The following CARS1 variants were observed in gnomAD, a reference collection of about 807,000 sequenced individuals.
The protein encoded by CARS1 is cysteinyl-tRNA synthetase 1.
A neutral mutation model predicts 106.2 loss-of-function variants in CARS1; 48 were observed. That is an observed-to-expected ratio of 0.45 (90% CI 0.36 to 0.57). CARS1 has a LOEUF of 0.57. CARS1 is among the 20% of genes least tolerant of loss of function. CARS1 has a pLI of 0.00. For synonymous variants in CARS1, 409 were observed against 403.4 expected, an observed-to-expected ratio of 1.01 and a Z score of -0.17; for missense variants, 968 against 1,057.2, an observed-to-expected ratio of 0.92 and a Z score of 1.17.
chr11:3,057,087 C>T lies in CARS1; in HGVS notation c.25+256G>A, dbSNP rs184105331. 6.7e-3 allele frequency among the ~76,000 whole-genome samples: 1,027 copies of T among 152,232 alleles called. 10 individuals carry two copies. Among genetic ancestry groups the T allele is most frequent in the African/African-American group, 0.024 (980 of 41,534 alleles). ...ACCTCAGGACCCGCCGTCCCTCAGA[C>T]CCCGGGCACTGACACCCCTCAGACC... On this transcript the variant is annotated intron_variant, in intron 1 of 22. Transcript: ENST00000380525.
chr11:3,034,270 G>C lies in CARS1; in HGVS notation c.801+3780C>G, dbSNP rs1029205669. 6.6e-6 allele frequency among the ~76,000 whole-genome samples: 1 copy of C among 152,124 alleles called. No individual in the cohort carries two copies. Among genetic ancestry groups the C allele is most frequent in the Non-Finnish European group, 1.5e-5 (1 of 68,026 alleles). The stretch of plus-strand genomic sequence containing the variant: ...CAGTCTCACTCTGTTTCCCAGGCTG[G>C]AATGCAGTGGCGTGATCTCGGCTCA... On this transcript the variant is annotated intron_variant, in intron 7 of 22. Transcript: ENST00000380525. This position sits in a 1 kb window ranked among gnomAD's most constrained non-coding sequence, Gnocchi z 6.3.
In CARS1 at chr11:3,018,440, C is replaced by G. The variant is rs190331761; in HGVS notation, c.1597G>C (p.Glu533Gln). The G allele has an allele frequency of 7.2e-5, 117 of 1,614,020 alleles. No individual in the cohort carries two copies. In the East Asian group the frequency reaches 2.4e-3, roughly 33 times the overall value. ...AACTTCTCATATTGAAGCGCTGACTCCATGGTGTTGCTGGAGTAGTCCAGG... is the reference window on the plus strand; with the variant it reads ...AACTTCTCATATTGAAGCGCTGACTGCATGGTGTTGCTGGAGTAGTCCAGG... ...DTLDYSSNTM[E>Q]SALQYEKFLN... The change falls in exon 14 of 23, where the codon GAG (glutamate) becomes CAG (glutamine). Residue 533 changes from glutamate to glutamine, a missense_variant. By Grantham distance (29) the Glu-to-Gln change is conservative. Transcript: ENST00000380525.
rs1037116050 is a variant in CARS1, at chr11:3,054,837, C to T, written c.25+2506G>A. ...TGCTGGCTGTGTTATTATGAAGACCCTTGAATTAAACTGTATAAAAATTAA... is the reference window on the plus strand; with the variant it reads ...TGCTGGCTGTGTTATTATGAAGACCTTTGAATTAAACTGTATAAAAATTAA... On this transcript the variant is annotated intron_variant, in intron 1 of 22. Transcript: ENST00000380525. The T allele has an allele frequency of 2.4e-5, 17 of 700,536 alleles. No homozygotes were observed. The Admixed American group carries it at 3.0e-4, about 12-fold the overall frequency. The allele number at this position is 700,536 out of a possible 1,614,324, so 43.4% of individuals were successfully genotyped here.
intron 19 of CARS1, 68 bp from the exon 20 acceptor site, chr11:3,005,501 T>A (rs1044399248): frequency 9.4e-6 from 10 of 1,069,310 alleles, no homozygotes; most frequent in African/African-American, 4.7e-5. Flanking sequence ...GGGCCAGCCC[T>A]GCCCTGCCCT....
Position 3,021,075 on chromosome 11 carries a change from T to A in CARS1, c.1154-743A>T, listed in dbSNP as rs1851528150. ...ATAACCCCTTGGTGAATTCCATGCA[T>A]TGACTCGGTGACACTCAGCCACCTG... On this transcript the variant is annotated intron_variant, in intron 10 of 22. Coordinates refer to ENST00000380525, the MANE Select transcript of CARS1 (RefSeq NM_001014437.3). This position sits in a 1 kb window ranked among gnomAD's most constrained non-coding sequence, Gnocchi z 5.3. Among the ~76,000 whole-genome samples the A allele has an allele frequency of 3.9e-5, 6 of 152,266 alleles. No homozygotes were observed. The South Asian group carries it at 1.2e-3, about 32-fold the overall frequency.
In CARS1 at chr11:3,021,263, G is replaced by A. The variant is rs1316845177; in HGVS notation, c.1154-931C>T. ...TCACGCAGAGAATCACCCTTTGTTC[G>A]ATGAATGGGCAGAGCAGAGGTCTTC... On this transcript the variant is annotated intron_variant, in intron 10 of 22. Coordinates refer to ENST00000380525, the MANE Select transcript of CARS1 (RefSeq NM_001014437.3). This position sits in a 1 kb window ranked among gnomAD's most constrained non-coding sequence, Gnocchi z 5.3. 4.6e-5 allele frequency among the ~76,000 whole-genome samples: 7 copies of A among 152,350 alleles called. No individual in the cohort carries two copies. The South Asian group carries it at 6.2e-4, about 14-fold the overall frequency.
chr11:3,042,444 AG>A lies in CARS1; in HGVS notation c.275-189del, dbSNP rs1359378158. ...GACAACTGCGTCTTTTTTTTTTTTT[AG>A]ACGGAGTCTCGCTCTGTCGCCCAGG... On this transcript the variant is annotated intron_variant, in intron 2 of 22. Coordinates refer to ENST00000380525, the MANE Select transcript of CARS1 (RefSeq NM_001014437.3). 7.4e-6 allele frequency: 4 copies of A among 537,214 alleles called. No individual in the cohort carries two copies. In the East Asian group the frequency reaches 1.3e-4, roughly 17 times the overall value. The allele number at this position is 537,214 out of a possible 1,614,324, so 33.3% of individuals were successfully genotyped here.
At position 3,048,024 on chromosome 11, in the gene CARS1, G is replaced by C; in HGVS notation, c.26-23C>G. ...GAGCTGCAAAGACAGAGGGCACATGGTGTCAGGCAGGCAGGCGGGCAGCCC... is the reference window on the plus strand; with the variant it reads ...GAGCTGCAAAGACAGAGGGCACATGCTGTCAGGCAGGCAGGCGGGCAGCCC... On this transcript the variant is annotated intron_variant, in intron 1 of 22. Transcript: ENST00000380525. This position sits in a 1 kb window ranked among gnomAD's most constrained non-coding sequence, Gnocchi z 5.1. 1 of 1,604,250 alleles carries C rather than the reference G, an allele frequency of 6.2e-7. No individual in the cohort carries two copies. The highest frequency in any genetic ancestry group is 8.5e-7 in the Non-Finnish European group (1 of 1,172,644).
At chr11:3,054,104 T>C (rs1005088783) in intron 1 of CARS1, among the ~76,000 whole-genome samples, 4 of 152,060 alleles carry the variant, frequency 2.6e-5, no homozygotes, top group Non-Finnish European at 4.4e-5. Flanking sequence ...TCTCACCAAC[T>C]AGGAGCCAAC....
In CARS1 at chr11:3,021,459, C is replaced by G. The variant is rs1249933025; in HGVS notation, c.1154-1127G>C. ...GACCCTGAAGAAGCTGCAGTGAGATCTTTCCAGGTGACAAATCCACTTTTC... is the reference window on the plus strand; with the variant it reads ...GACCCTGAAGAAGCTGCAGTGAGATGTTTCCAGGTGACAAATCCACTTTTC... On this transcript the variant is annotated intron_variant, in intron 10 of 22. Coordinates refer to ENST00000380525, the MANE Select transcript of CARS1 (RefSeq NM_001014437.3). This position sits in a 1 kb window ranked among gnomAD's most constrained non-coding sequence, Gnocchi z 5.3. 6.6e-6 allele frequency among the ~76,000 whole-genome samples: 1 copy of G among 152,216 alleles called. No individual in the cohort carries two copies. The highest frequency in any genetic ancestry group is 1.5e-5 in the Non-Finnish European group (1 of 68,044).
In CARS1 at chr11:3,020,103, C is replaced by T. The variant is rs1851434951; in HGVS notation, c.1266+117G>A. ...CAGCCTGTGCTGCACCAGCACCAGG[C>T]TCTGGCCCAGTGACAACATCCTTCA... On this transcript the variant is annotated intron_variant, in intron 11 of 22. Coordinates refer to ENST00000380525, the MANE Select transcript of CARS1 (RefSeq NM_001014437.3). This position sits in a 1 kb window ranked among gnomAD's most constrained non-coding sequence, Gnocchi z 4.6. The T allele has an allele frequency of 1.4e-6, 1 of 715,410 alleles. No homozygotes were observed. 44.3% of individuals were successfully genotyped at this position (715,410 alleles called of 1,614,324 possible). A position where few individuals can be genotyped will look rare whatever the true frequency, so the allele number is the denominator to read the frequency against.
At position 3,043,804 on chromosome 11, in the gene CARS1, C is replaced by A. The variant is rs959571082; in HGVS notation, c.275-1548G>T. On this transcript the variant is annotated intron_variant, in intron 2 of 22. Coordinates refer to ENST00000380525, the MANE Select transcript of CARS1 (RefSeq NM_001014437.3). The surrounding 1 kb of genome is among the most constrained non-coding windows in gnomAD (Gnocchi z 4.0). ...AGGCCAAGGGGAGGAAGGAGGGCGG[C>A]TGCACTGTGTCTGGGCAGTGGGGGT... 6.6e-6 allele frequency among the ~76,000 whole-genome samples: 1 copy of A among 152,088 alleles called. No individual in the cohort carries two copies. Among genetic ancestry groups the A allele is most frequent in the Non-Finnish European group, 1.5e-5 (1 of 68,010 alleles).
chr11:3,057,078 T>C (rs1034368767), intron 1 of CARS1, among the ~76,000 whole-genome samples: 1 of 151,550 alleles, frequency 6.6e-6, no homozygotes, highest in Non-Finnish European at 1.5e-5. Context: ...GGACCCGCCG[T>C]CCCTCAGACC....
rs1245761024 is a variant in CARS1 at position 3,046,835 on chromosome 11, C to G, written c.274+918G>C. On this transcript the variant is annotated intron_variant, in intron 2 of 22. Transcript: ENST00000380525. This position sits in a 1 kb window ranked among gnomAD's most constrained non-coding sequence, Gnocchi z 5.8. The stretch of plus-strand genomic sequence containing the variant: ...GCATGGAGCCCCCTCAGATTTGCCA[C>G]AGAGTGACAAAGCCATGCAGGCATC... Among the ~76,000 whole-genome samples the G allele has an allele frequency of 2.6e-5, 4 of 152,200 alleles. No individual in the cohort carries two copies. Among genetic ancestry groups the G allele is most frequent in the Non-Finnish European group, 5.9e-5 (4 of 68,046 alleles).
intron 10 of CARS1, among the ~76,000 whole-genome samples, chr11:3,025,863 G>A (rs1025704173): frequency 6.6e-5 from 10 of 152,140 alleles, no homozygotes; most frequent in Non-Finnish European, 1.5e-4. Context: ...TGCATCACTC[G>A]GCACACATCC....
Position 3,040,426 on chromosome 11 carries a change from A to T in CARS1, c.455+470T>A. 1 of 431,386 alleles carries T rather than the reference A, an allele frequency of 2.3e-6. No homozygotes were observed. The highest frequency in any genetic ancestry group is 1.7e-5 in the South Asian group (1 of 59,882). The allele number at this position is 431,386 out of a possible 1,614,324, so 26.7% of individuals were successfully genotyped here. A position where few individuals can be genotyped will look rare whatever the true frequency, so the allele number is the denominator to read the frequency against. On this transcript the variant is annotated intron_variant, in intron 4 of 22. Coordinates refer to ENST00000380525, the MANE Select transcript of CARS1 (RefSeq NM_001014437.3). The surrounding 1 kb of genome is among the most constrained non-coding windows in gnomAD (Gnocchi z 5.8). ...CACTGCAACTAAAACATGAACACAT[A>T]AAAGGACTCTGTGGCATTTACCCCA...
At chr11:3,032,708 C>G (rs556949010) in intron 7 of CARS1, among the ~76,000 whole-genome samples, 11 of 151,866 alleles carry the variant, frequency 7.2e-5, no homozygotes, top group African/African-American at 2.7e-4. Flanking sequence ...GGCAAAACTA[C>G]GGAGACAGTA....
At chr11:3,015,722 GA>G in intron 17 of CARS1, 58 bp downstream of exon 17, 1 of 1,441,640 alleles carries the variant, frequency 6.9e-7, no homozygotes, top group Non-Finnish European at 9.8e-7. Flanking sequence ...GAGGGACACA[GA>G]GGGGTAGGGA....
intron 20 of CARS1, 87 bp downstream of exon 20, chr11:3,005,279 A>C (rs1029429098): frequency 1.0e-6 from 1 of 1,000,788 alleles, no homozygotes; most frequent in Admixed American, 2.1e-5. Flanking sequence ...GTAAACATCA[A>C]TGCTTAAAAA....
Sources: gnomAD v4.1 joint callset for allele counts (sites outside exome capture counted in the v4.1 genomes callset) on GRCh38, gnomAD v4.1.1 for gene constraint, Gnocchi (gnomAD v3.1) non-coding constraint, MANE v1.5 for transcripts, NCBI Gene and HGNC (gene_info 2026-07-23, HGNC 2026-07-21) for gene names.